Variants in PLEKHG3 observed in about 807,000 individuals in gnomAD.
PLEKHG3 encodes the protein pleckstrin homology domain-containing family G member 3.
PLEKHG3 carries 62 observed loss-of-function variants against 94.9 expected under a neutral mutation model. The ratio of observed to expected loss-of-function variants is 0.65; its 90% CI spans 0.53 to 0.81. PLEKHG3 has a LOEUF of 0.81. Among genes scored for constraint, PLEKHG3 ranks in the 30% least tolerant of loss-of-function variants. The probability of loss-of-function intolerance (pLI) is 0.00; values close to 1 mark genes in which losing one functional copy is unlikely to be tolerated. For missense variants in PLEKHG3, 1,461 were observed against 1,619.3 expected, an observed-to-expected ratio of 0.90 and a Z score of 1.68; for synonymous variants, 614 against 654.0, an observed-to-expected ratio of 0.94 and a Z score of 0.93.
In PLEKHG3 at chr14:64,747,486, G is replaced by A. The variant is rs1373228036; in HGVS notation, c.*3783G>A. Reference sequence around the variant, plus strand: ...CCAAATGAAGACCTTGCTCACCAGGGCGGGAACCTGGGGATGTCAGGCTCC... The same window carrying A: ...CCAAATGAAGACCTTGCTCACCAGGACGGGAACCTGGGGATGTCAGGCTCC... On this transcript the variant is annotated 3_prime_UTR_variant, in exon 17 of 17. Transcript: ENST00000247226. 2 of 152,706 alleles carry A rather than the reference G, an allele frequency of 1.3e-5. No homozygotes were observed. Among genetic ancestry groups the A allele is most frequent in the Admixed American group, 6.5e-5 (1 of 15,290 alleles). 9.5% of individuals were successfully genotyped at this position (152,706 alleles called of 1,614,324 possible).
rs1031079064 is a variant in PLEKHG3 at position 64,749,144 on chromosome 14, G to C, written c.*5441G>C. The C allele has an allele frequency of 5.1e-6, 4 of 779,608 alleles. No homozygotes were observed. Among genetic ancestry groups the C allele is most frequent in the Non-Finnish European group, 7.9e-6 (4 of 509,160 alleles). 48.3% of individuals were successfully genotyped at this position (779,608 alleles called of 1,614,324 possible). ...TGGAGGGGGCGTCGGCCCAGGACAC[G>C]CGGGCGAAGGCAGCTTTTGCAGTGC... On this transcript the variant is annotated 3_prime_UTR_variant, in exon 17 of 17. Coordinates refer to ENST00000247226, the MANE Select transcript of PLEKHG3 (RefSeq NM_001308147.2). This position sits in a 1 kb window ranked among gnomAD's most constrained non-coding sequence, Gnocchi z 4.7.
At chr14:64,736,828 A>T (rs769470936) in intron 12 of PLEKHG3, 25 bp from the exon 13 acceptor site, 2 of 1,600,004 alleles carry the variant, frequency 1.3e-6, no homozygotes, top group Non-Finnish European at 1.7e-6. Flanking sequence ...GCCCGCGCTG[A>T]CTCTGCTCAT....
chr14:64,722,433 T>A lies in PLEKHG3; in HGVS notation c.-39-5160T>A, dbSNP rs1327076530. On this transcript the variant is annotated intron_variant, in intron 1 of 16. Coordinates refer to ENST00000247226, the MANE Select transcript of PLEKHG3 (RefSeq NM_001308147.2). The surrounding 1 kb of genome is among the most constrained non-coding windows in gnomAD (Gnocchi z 4.3). Reference sequence around the variant, plus strand: ...CATATTGGTCAGGCTGGTCTCAAACTCCTCTCAAACTCCTGACCAAAGGTG... The same window carrying A: ...CATATTGGTCAGGCTGGTCTCAAACACCTCTCAAACTCCTGACCAAAGGTG... 1.3e-5 allele frequency among the ~76,000 whole-genome samples: 2 copies of A among 152,124 alleles called. No homozygotes were observed. Among genetic ancestry groups the A allele is most frequent in the Non-Finnish European group, 2.9e-5 (2 of 68,020 alleles).
rs930285639 is a variant in PLEKHG3 at position 64,715,290 on chromosome 14, C to A, written c.-40+10586C>A. 5.9e-5 allele frequency among the ~76,000 whole-genome samples: 9 copies of A among 152,136 alleles called. No individual in the cohort carries two copies. The highest frequency in any genetic ancestry group is 1.3e-4 in the Non-Finnish European group (9 of 68,022). ...AGATGGCCTTCTTGGCTTCGTCTCT[C>A]GGGCCATGTGGGAGGTTGTGGAGAG... On this transcript the variant is annotated intron_variant, in intron 1 of 16. Transcript: ENST00000247226. This position sits in a 1 kb window ranked among gnomAD's most constrained non-coding sequence, Gnocchi z 4.4.
chr14:64,706,061 A>C (rs2080966699), intron 1 of PLEKHG3, among the ~76,000 whole-genome samples: 1 of 152,156 alleles, frequency 6.6e-6, no homozygotes. Flanking sequence ...CTAGCTGCTG[A>C]GGGAGTGATT....
Position 64,750,004 on chromosome 14 carries a change from C to T in PLEKHG3, c.*6301C>T. ...ACCTCAGCTTAAAGACGTGCTTCTT[C>T]TTCTTGTAGTTGGCAGCAATCTCAC... On this transcript the variant is annotated 3_prime_UTR_variant, in exon 17 of 17. Coordinates refer to ENST00000247226, the MANE Select transcript of PLEKHG3 (RefSeq NM_001308147.2). 6.2e-7 allele frequency: 1 copy of T among 1,614,236 alleles called. No individual in the cohort carries two copies. Among genetic ancestry groups the T allele is most frequent in the East Asian group, 2.2e-5 (1 of 44,882 alleles).
rs1455061391 is a variant in PLEKHG3 at position 64,723,330 on chromosome 14, T to C, written c.-39-4263T>C. Among the ~76,000 whole-genome samples, 1 of 152,050 alleles carries C rather than the reference T, an allele frequency of 6.6e-6. No individual in the cohort carries two copies. The highest frequency in any genetic ancestry group is 1.5e-5 in the Non-Finnish European group (1 of 67,994). On this transcript the variant is annotated intron_variant, in intron 1 of 16. Transcript: ENST00000247226. This position sits in a 1 kb window ranked among gnomAD's most constrained non-coding sequence, Gnocchi z 4.5. Reference sequence around the variant, plus strand: ...CTCACACCTGTTAATCCCAGCACTTTAGGAGGCTGAGGCAGGAGGATCGCT... The same window carrying C: ...CTCACACCTGTTAATCCCAGCACTTCAGGAGGCTGAGGCAGGAGGATCGCT...
intron 13 of PLEKHG3, 36 bp downstream of exon 13, chr14:64,736,927 CG>C: frequency 1.3e-6 from 2 of 1,562,912 alleles, no homozygotes; most frequent in Non-Finnish European, 1.8e-6. Flanking sequence ...TCCCAGTGAG[CG>C]GGGGAGGAGG....
At chr14:64,707,061 G>A (rs1272261741) in intron 1 of PLEKHG3, among the ~76,000 whole-genome samples, 2 of 152,178 alleles carry the variant, frequency 1.3e-5, no homozygotes, top group African/African-American at 2.4e-5. Flanking sequence ...CGCCCCTCTG[G>A]CCCAGGCCAC....
chr14:64,738,038 G>T lies in PLEKHG3; in HGVS notation c.1404+663G>T. The T allele has an allele frequency of 7.7e-7, 1 of 1,292,198 alleles. No individual in the cohort carries two copies. Among genetic ancestry groups the T allele is most frequent in the South Asian group, 1.2e-5 (1 of 81,424 alleles). The allele number at this position is 1,292,198 out of a possible 1,614,324, so 80.0% of individuals were successfully genotyped here. ...CCTTTCAGGTCTCTCTGGAGGACCTGACAGGGCATGAAGGCAACGAGAAGG... is the reference window on the plus strand; with the variant it reads ...CCTTTCAGGTCTCTCTGGAGGACCTTACAGGGCATGAAGGCAACGAGAAGG... On this transcript the variant is annotated intron_variant, in intron 14 of 16. Coordinates refer to ENST00000247226, the MANE Select transcript of PLEKHG3 (RefSeq NM_001308147.2). The surrounding 1 kb of genome is among the most constrained non-coding windows in gnomAD (Gnocchi z 4.8).
chr14:64,707,019 T>C (rs997263506), intron 1 of PLEKHG3, among the ~76,000 whole-genome samples: 3 of 152,178 alleles, frequency 2.0e-5, no homozygotes, highest in African/African-American at 7.2e-5. Context: ...TGTCTTCAGC[T>C]CCTCATCTGT....
chr14:64,742,926 C>G (rs2081737853), intron 16 of PLEKHG3, 56 bp from the exon 17 acceptor site: 29 of 1,591,980 alleles, frequency 1.8e-5, no homozygotes, highest in Non-Finnish European at 2.5e-5. Context: ...CAGAGCACCC[C>G]CTTGCAGCTC....
chr14:64,707,305 T>A (rs2080987215), intron 1 of PLEKHG3, among the ~76,000 whole-genome samples: 1 of 152,214 alleles, frequency 6.6e-6, no homozygotes, highest in African/African-American at 2.4e-5. Context: ...CTGGCCAGAT[T>A]CCCACACCGT....
Position 64,749,129 on chromosome 14 carries a change from G to C in PLEKHG3, c.*5426G>C. The C allele has an allele frequency of 4.5e-6, 3 of 661,804 alleles. No homozygotes were observed. The South Asian group carries it at 5.8e-5, about 13-fold the overall frequency. The allele number at this position is 661,804 out of a possible 1,614,324, so 41.0% of individuals were successfully genotyped here. On this transcript the variant is annotated 3_prime_UTR_variant, in exon 17 of 17. Coordinates refer to ENST00000247226, the MANE Select transcript of PLEKHG3 (RefSeq NM_001308147.2). The surrounding 1 kb of genome is among the most constrained non-coding windows in gnomAD (Gnocchi z 4.7). ...GCGCGGGCGAGGGCATGGAGGGGGCGTCGGCCCAGGACACGCGGGCGAAGG... is the reference window on the plus strand; with the variant it reads ...GCGCGGGCGAGGGCATGGAGGGGGCCTCGGCCCAGGACACGCGGGCGAAGG...
rs751354849 is a variant in PLEKHG3 at position 64,730,983 on chromosome 14, TGGG to T, written c.717+36_717+38del. The T allele has an allele frequency of 6.2e-7, 1 of 1,613,516 alleles. No individual in the cohort carries two copies. The highest frequency in any genetic ancestry group is 8.5e-7 in the Non-Finnish European group (1 of 1,179,990). On this transcript the variant is annotated intron_variant, in intron 6 of 16. Transcript: ENST00000247226. This position sits in a 1 kb window ranked among gnomAD's most constrained non-coding sequence, Gnocchi z 5.4. Reference sequence around the variant, plus strand: ...TCGGTCCTCCCAAGCACCTAGGGCCTGGGGAGGGCAGGGCCTTCGGGTCAGGGG... The same window carrying T: ...TCGGTCCTCCCAAGCACCTAGGGCCTGAGGGCAGGGCCTTCGGGTCAGGGG...
At position 64,718,633 on chromosome 14, in the gene PLEKHG3, A is replaced by G. The variant is rs2081210798; in HGVS notation, c.-39-8960A>G. On this transcript the variant is annotated intron_variant, in intron 1 of 16. Coordinates refer to ENST00000247226, the MANE Select transcript of PLEKHG3 (RefSeq NM_001308147.2). This position sits in a 1 kb window ranked among gnomAD's most constrained non-coding sequence, Gnocchi z 5.0. ...CCCGCTGACTTGCTCCTGATCATAC[A>G]GTGGCTAGGCAGAGCCAGGGTAGTT... Among the ~76,000 whole-genome samples the G allele has an allele frequency of 6.6e-6, 1 of 152,222 alleles. No individual in the cohort carries two copies. Among genetic ancestry groups the G allele is most frequent in the Admixed American group, 6.5e-5 (1 of 15,286 alleles).
chr14:64,733,164 C>CTTTTTTTTTTTT (rs112116298), intron 12 of PLEKHG3, among the ~76,000 whole-genome samples: 1 of 135,358 alleles, frequency 7.4e-6, no homozygotes, highest in Non-Finnish European at 1.6e-5. Flanking sequence ...TTTTCTTTTT[C>CTTTTTTTTTTTT]TTTTTTTTTT....
rs756611033 is a variant in PLEKHG3 at position 64,727,649 on chromosome 14, C to G, written c.18C>G (p.Ser6=). The G allele has an allele frequency of 6.2e-7, 1 of 1,611,674 alleles. No homozygotes were observed. The highest frequency in any genetic ancestry group is 2.2e-5 in the East Asian group (1 of 44,850). The change falls in exon 2 of 17, where the codon TCC becomes TCG. Residue 6 remains serine (S), a synonymous_variant. Transcript: ENST00000247226. The surrounding 1 kb of genome is among the most constrained non-coding windows in gnomAD (Gnocchi z 6.0). ...ATGCCAGGATGCCTGTGTCCACCTC[C>G]CTCCACCAGGATGGCAGCCAGGAGC... MPVST[S]LHQDGSQERP...
chr14:64,750,165 G>GCAGA lies in PLEKHG3; in HGVS notation c.*6466_*6469dup, dbSNP rs764989874. The GCAGA allele has an allele frequency of 7.6e-5, 122 of 1,608,752 alleles. No individual in the cohort carries two copies. The highest frequency in any genetic ancestry group is 1.0e-4 in the Non-Finnish European group (117 of 1,175,726). On this transcript the variant is annotated 3_prime_UTR_variant, in exon 17 of 17. Coordinates refer to ENST00000247226, the MANE Select transcript of PLEKHG3 (RefSeq NM_001308147.2). Reference sequence around the variant, plus strand: ...AGGTTGTTCCAGGACCTGCAAAGATGCAGACAGGCAGGTCACCCACATCCT... The same window carrying GCAGA: ...AGGTTGTTCCAGGACCTGCAAAGATGCAGACAGACAGGCAGGTCACCCACATCCT...
Sources: gnomAD v4.1 joint callset for allele counts (sites outside exome capture counted in the v4.1 genomes callset) on GRCh38, gnomAD v4.1.1 for gene constraint, Gnocchi (gnomAD v3.1) non-coding constraint, MANE v1.5 for transcripts, NCBI Gene and HGNC (gene_info 2026-07-23, HGNC 2026-07-21) for gene names.